The following ALK variants were observed in gnomAD, a reference collection of about 807,000 sequenced individuals.
ALK encodes ALK receptor tyrosine kinase, also known as ALK tyrosine kinase receptor.
A neutral mutation model predicts 163.1 loss-of-function variants in ALK; 74 were observed. That is an observed-to-expected ratio of 0.45 (90% CI 0.38 to 0.55). The LOEUF is 0.55. Ranked by LOEUF, ALK falls within the 20% of genes least tolerant of loss-of-function variation. The probability of loss-of-function intolerance (pLI) is 0.00; values close to 1 mark genes in which losing one functional copy is unlikely to be tolerated. For missense variants in ALK, 2,063 were observed against 2,105.3 expected (o/e 0.98, Z 0.39); for synonymous variants, 960 against 843.2 (o/e 1.14, Z -2.40).
At chr2:29,571,656 G>A (rs7587976) in intron 3 of ALK, among the ~76,000 whole-genome samples, 4,012 of 96,142 alleles carry the variant, frequency 0.042, 214 homozygotes, top group African/African-American at 0.14. Context: ...TCATTTTGTC[G>A]CCCAGGCTAG....
chr2:29,355,270 T>C (rs1480630173), intron 5 of ALK, among the ~76,000 whole-genome samples: 1 of 152,224 alleles, frequency 6.6e-6, no homozygotes, highest in African/African-American at 2.4e-5. Flanking sequence ...GTGGGCATCC[T>C]GATTCTCCTA....
At position 29,439,521 on chromosome 2, in the gene ALK, T is replaced by C. The variant is rs548316213; in HGVS notation, c.1155-55662A>G. Among the ~76,000 whole-genome samples the C allele has an allele frequency of 3.3e-5, 5 of 152,246 alleles. No homozygotes were observed. In the South Asian group the frequency reaches 6.2e-4, roughly 19 times the overall value. On this transcript the variant is annotated intron_variant, in intron 4 of 28. Transcript: ENST00000389048. ...CAGATAGAGAATAGACGGCTCCTACTCAGGTTCTATAATGGATTATATTAT... is the reference window on the plus strand; with the variant it reads ...CAGATAGAGAATAGACGGCTCCTACCCAGGTTCTATAATGGATTATATTAT...
chr2:29,716,711 C>A (rs1320243558), intron 2 of ALK, among the ~76,000 whole-genome samples: 1 of 152,136 alleles, frequency 6.6e-6, no homozygotes, highest in East Asian at 1.9e-4. Context: ...TGGACCTGGT[C>A]TCTTCATGTC....
intron 2 of ALK, among the ~76,000 whole-genome samples, chr2:29,714,281 A>AAG (rs1340589289): frequency 2.0e-5 from 3 of 152,202 alleles, no homozygotes; most frequent in Non-Finnish European, 2.9e-5. Context: ...CACAAAGGCG[A>AAG]GAAACGACTG....
chr2:29,230,468 G>A (rs1664168169), intron 15 of ALK, among the ~76,000 whole-genome samples: 1 of 152,156 alleles, frequency 6.6e-6, no homozygotes, highest in Non-Finnish European at 1.5e-5. Context: ...CAGTGTGTGT[G>A]TCTGCCGGAA....
chr2:29,339,262 G>A (rs1049704353), intron 5 of ALK, among the ~76,000 whole-genome samples: 1 of 150,288 alleles, frequency 6.7e-6, no homozygotes, highest in Non-Finnish European at 1.5e-5. Flanking sequence ...AAAAAGTGAT[G>A]TGTCTTCTCT....
At chr2:29,391,473 G>A (rs1334241467) in intron 4 of ALK, among the ~76,000 whole-genome samples, 1 of 152,060 alleles carries the variant, frequency 6.6e-6, no homozygotes, top group Non-Finnish European at 1.5e-5. Context: ...GCTAATTTTT[G>A]TATTTTTAGT....
chr2:29,741,157 T>C (rs1573598633), intron 1 of ALK, among the ~76,000 whole-genome samples: 1 of 152,080 alleles, frequency 6.6e-6, no homozygotes, highest in East Asian at 1.9e-4. Flanking sequence ...TGGAAAACTA[T>C]GGAGGAAAAA....
intron 4 of ALK, among the ~76,000 whole-genome samples, chr2:29,509,664 T>C (rs1462424899): frequency 6.6e-6 from 1 of 152,200 alleles, no homozygotes; most frequent in Non-Finnish European, 1.5e-5. Flanking sequence ...AGACACATAG[T>C]TGGAATCTAT....
chr2:29,345,536 A>G (rs1667924345), intron 5 of ALK, among the ~76,000 whole-genome samples: 1 of 152,040 alleles, frequency 6.6e-6, no homozygotes. Flanking sequence ...AACTGGGAGA[A>G]CTTTTCTAGA....
chr2:29,647,666 T>C (rs1676918095), intron 3 of ALK, among the ~76,000 whole-genome samples: 1 of 152,080 alleles, frequency 6.6e-6, no homozygotes, highest in Admixed American at 6.6e-5. Flanking sequence ...AGCCCGTCCA[T>C]ACACTTAGCT....
intron 3 of ALK, among the ~76,000 whole-genome samples, chr2:29,577,110 A>G (rs1674546679): frequency 6.6e-6 from 1 of 152,080 alleles, no homozygotes; most frequent in African/African-American, 2.4e-5. Flanking sequence ...GCTCTGGAGA[A>G]CTTCTTAGAT....
chr2:29,920,783 G>C lies in ALK; in HGVS notation c.-124C>G, dbSNP rs1045323816. On this transcript the variant is annotated 5_prime_UTR_variant, in exon 1 of 29. Coordinates refer to ENST00000389048, the MANE Select transcript of ALK (RefSeq NM_004304.5). ...CGGCTCCTTCCACCTGATCTCCAGA[G>C]GACTGTGCGTGCGCGCAAGTCTCTT... is the stretch of plus-strand genomic sequence containing the variant. The C allele has an allele frequency of 2.3e-6, 2 of 854,452 alleles. No homozygotes were observed. The highest frequency in any genetic ancestry group is 3.6e-6 in the Non-Finnish European group (2 of 556,352). The allele number at this position is 854,452 out of a possible 1,614,324, so 52.9% of individuals were successfully genotyped here. A position where few individuals can be genotyped will look rare whatever the true frequency, so the allele number is the denominator to read the frequency against.
At chr2:29,724,872 A>G (rs1336937214) in intron 1 of ALK, among the ~76,000 whole-genome samples, 1 of 152,202 alleles carries the variant, frequency 6.6e-6, no homozygotes, top group Non-Finnish European at 1.5e-5. Context: ...ATCCTGCCAG[A>G]GAAGTTTGTG....
At chr2:29,755,022 T>C (rs1277495313) in intron 1 of ALK, among the ~76,000 whole-genome samples, 2 of 152,144 alleles carry the variant, frequency 1.3e-5, no homozygotes, top group South Asian at 2.1e-4. Context: ...ACCGTGATTC[T>C]GAGCTTGGTT....
chr2:29,391,365 G>C (rs927355948), intron 4 of ALK, among the ~76,000 whole-genome samples: 17 of 151,040 alleles, frequency 1.1e-4, no homozygotes, highest in African/African-American at 4.1e-4. Flanking sequence ...GCAGTGGCAC[G>C]ATCTTGGCTC....
chr2:29,725,918 C>T (rs1679558963), intron 1 of ALK, among the ~76,000 whole-genome samples: 1 of 152,114 alleles, frequency 6.6e-6, no homozygotes, highest in Non-Finnish European at 1.5e-5. Flanking sequence ...GCATTTTCAC[C>T]TTTCCAGACA....
chr2:29,826,560 G>A (rs1002635668), intron 1 of ALK, among the ~76,000 whole-genome samples: 1 of 152,036 alleles, frequency 6.6e-6, no homozygotes, highest in Non-Finnish European at 1.5e-5. Context: ...CAAGCCTCAT[G>A]CAATATTAAA....
At chr2:29,535,932 C>G (rs2148161988) in intron 3 of ALK, among the ~76,000 whole-genome samples, 1 of 152,288 alleles carries the variant, frequency 6.6e-6, no homozygotes, top group South Asian at 2.1e-4. Flanking sequence ...CATGAACTTT[C>G]CCGCTAAGAT....
Sources: gnomAD v4.1 joint callset for allele counts (sites outside exome capture counted in the v4.1 genomes callset) on GRCh38, gnomAD v4.1.1 for gene constraint, MANE v1.5 for transcripts, NCBI Gene and HGNC (gene_info 2026-07-23, HGNC 2026-07-21) for gene names.